Variants in KCNJ6 observed in about 807,000 individuals in gnomAD.
KCNJ6 encodes G protein-activated inward rectifier potassium channel 2.
A neutral mutation model predicts 34.2 loss-of-function variants in KCNJ6; 9 were observed. That is an observed-to-expected ratio of 0.26 (90% CI 0.16 to 0.46). The LOEUF (loss-of-function observed/expected upper bound fraction) is 0.46, where lower values mean the gene tolerates loss of function less well. Ranked by LOEUF, KCNJ6 falls within the 20% of genes least tolerant of loss-of-function variation. KCNJ6 has a pLI of 1.00. For synonymous variants in KCNJ6, 196 were observed against 207.1 expected, an observed-to-expected ratio of 0.95 and a Z score of 0.46; for missense variants, 236 against 531.3, an observed-to-expected ratio of 0.44 and a Z score of 5.46.
chr21:37,648,003 G>A (rs995906495), intron 3 of KCNJ6, among the ~76,000 whole-genome samples: 8 of 152,224 alleles, frequency 5.3e-5, no homozygotes, highest in African/African-American at 1.9e-4. Context: ...TGTGTCAGAA[G>A]TCATGCCTGT....
intron 2 of KCNJ6, among the ~76,000 whole-genome samples, chr21:37,739,285 G>A (rs2054927982): frequency 6.6e-6 from 1 of 151,940 alleles, no homozygotes; most frequent in Middle Eastern, 3.4e-3. Flanking sequence ...GATTATGCAG[G>A]TGGCTGGCAT....
At chr21:37,780,313 T>C (rs1367234901) in intron 2 of KCNJ6, among the ~76,000 whole-genome samples, 3 of 151,944 alleles carry the variant, frequency 2.0e-5, no homozygotes, top group Non-Finnish European at 4.4e-5. Flanking sequence ...TCTAGGGAGA[T>C]AGAGGAAGTG....
At chr21:37,909,589 T>C (rs1179874149) in intron 1 of KCNJ6, among the ~76,000 whole-genome samples, 3 of 152,068 alleles carry the variant, frequency 2.0e-5, no homozygotes, top group Non-Finnish European at 4.4e-5. Flanking sequence ...TGGTCTCAAG[T>C]CATCTCCTGG....
intron 1 of KCNJ6, among the ~76,000 whole-genome samples, chr21:37,875,095 G>T (rs1425294769): frequency 2.0e-5 from 3 of 152,162 alleles, no homozygotes; most frequent in African/African-American, 4.8e-5. Flanking sequence ...GTCTCATGGG[G>T]ACACATGCTC....
At chr21:37,861,762 T>C (rs2055596062) in intron 1 of KCNJ6, among the ~76,000 whole-genome samples, 1 of 152,198 alleles carries the variant, frequency 6.6e-6, no homozygotes, top group Admixed American at 6.5e-5. Flanking sequence ...AGGAATGTCC[T>C]TGAGAAGCAC....
chr21:37,908,156 T>A (rs1483450468), intron 1 of KCNJ6, among the ~76,000 whole-genome samples: 2 of 152,242 alleles, frequency 1.3e-5, no homozygotes, highest in Non-Finnish European at 2.9e-5. Context: ...GGAAACGATG[T>A]AAGAGAACCG....
chr21:37,670,278 A>T (rs2054535501), intron 3 of KCNJ6, among the ~76,000 whole-genome samples: 1 of 152,162 alleles, frequency 6.6e-6, no homozygotes, highest in South Asian at 2.1e-4. Flanking sequence ...GTTTTATAGT[A>T]AGTTTTGAAA....
chr21:37,677,100 G>T (rs927013499), intron 3 of KCNJ6, among the ~76,000 whole-genome samples: 2 of 152,230 alleles, frequency 1.3e-5, no homozygotes, highest in Non-Finnish European at 2.9e-5. Flanking sequence ...CCTCTCCCCA[G>T]GTGCCACGAT....
intron 2 of KCNJ6, among the ~76,000 whole-genome samples, chr21:37,720,702 CTTTTTTTTTT>C (rs3061017): frequency 3.1e-5 from 4 of 129,530 alleles, no homozygotes; most frequent in Admixed American, 1.6e-4. Flanking sequence ...ATTTTCTTTT[CTTTTTTTTTT>C]TTTTTTGAGA....
At chr21:37,732,868 T>C (rs2054892855) in intron 2 of KCNJ6, among the ~76,000 whole-genome samples, 1 of 152,272 alleles carries the variant, frequency 6.6e-6, no homozygotes, top group South Asian at 2.1e-4. Context: ...GACCACATAG[T>C]TGAGGGTTAA....
At chr21:37,804,453 C>T (rs1029726393) in intron 2 of KCNJ6, among the ~76,000 whole-genome samples, 8 of 151,986 alleles carry the variant, frequency 5.3e-5, no homozygotes, top group African/African-American at 1.5e-4. Flanking sequence ...TTCAGGGGTA[C>T]GTGTGCAGGT....
chr21:37,687,096 T>A (rs2054619006), intron 3 of KCNJ6, among the ~76,000 whole-genome samples: 1 of 152,062 alleles, frequency 6.6e-6, no homozygotes, highest in Non-Finnish European at 1.5e-5. Flanking sequence ...CAGCACTTGA[T>A]CCAAAGGCCC....
At chr21:37,731,096 G>T (rs556291269) in intron 2 of KCNJ6, among the ~76,000 whole-genome samples, 120 of 60,954 alleles carry the variant, frequency 2.0e-3, no homozygotes, top group African/African-American at 8.9e-3. Context: ...AGATAGATGA[G>T]AGAAGTGTGT....
chr21:37,625,024 T>C lies in KCNJ6; in HGVS notation c.*135A>G, dbSNP rs2123361084. 1 of 692,176 alleles carries C rather than the reference T, an allele frequency of 1.4e-6. No individual in the cohort carries two copies. Among genetic ancestry groups the C allele is most frequent in the Non-Finnish European group, 2.5e-6 (1 of 407,032 alleles). 42.9% of individuals were successfully genotyped at this position (692,176 alleles called of 1,614,324 possible). On this transcript the variant is annotated 3_prime_UTR_variant, in exon 4 of 4. Transcript: ENST00000609713. ...AGGTAGATATTTTACACCTTGAAGATTTGTTTTCTGGTCATGTAAAAATTA... is the reference window on the plus strand; with the variant it reads ...AGGTAGATATTTTACACCTTGAAGACTTGTTTTCTGGTCATGTAAAAATTA...
At chr21:37,830,495 G>A (rs2055420582) in intron 2 of KCNJ6, among the ~76,000 whole-genome samples, 2 of 152,144 alleles carry the variant, frequency 1.3e-5, no homozygotes, top group Admixed American at 1.3e-4. Flanking sequence ...ATACCTAGAG[G>A]GAGGGTGCTA....
chr21:37,652,924 A>G (rs937288366), intron 3 of KCNJ6, among the ~76,000 whole-genome samples: 4 of 152,134 alleles, frequency 2.6e-5, no homozygotes, highest in Non-Finnish European at 5.9e-5. Flanking sequence ...CTGAGAGGGA[A>G]TGAGTGGAGA....
intron 2 of KCNJ6, among the ~76,000 whole-genome samples, chr21:37,722,057 C>T (rs1480538456): frequency 6.6e-6 from 1 of 152,330 alleles, no homozygotes; most frequent in East Asian, 1.9e-4. Flanking sequence ...ACTAAAGACT[C>T]TGCCAAAAGG....
chr21:37,749,739 T>C (rs1033487343), intron 2 of KCNJ6, among the ~76,000 whole-genome samples: 5 of 152,158 alleles, frequency 3.3e-5, no homozygotes, highest in African/African-American at 9.7e-5. Context: ...CTAAAAGATA[T>C]TGGAGGTTGA....
rs141848375 is a variant in KCNJ6 at position 37,792,861 on chromosome 21, C to T, written c.25+47797G>A. 5.7e-3 allele frequency among the ~76,000 whole-genome samples: 873 copies of T among 152,250 alleles called. 6 individuals carry two copies. Among genetic ancestry groups the T allele is most frequent in the African/African-American group, 0.017 (696 of 41,544 alleles). ...GAGAGTTAGTTGCTGTTGCTTGCTA[C>T]GTGTACATTCTGTTGGTTCCTGGAA... On this transcript the variant is annotated intron_variant, in intron 2 of 3. Coordinates refer to ENST00000609713, the MANE Select transcript of KCNJ6 (RefSeq NM_002240.5).
Sources: gnomAD v4.1 joint callset for allele counts (sites outside exome capture counted in the v4.1 genomes callset) on GRCh38, gnomAD v4.1.1 for gene constraint, MANE v1.5 for transcripts, NCBI Gene and HGNC (gene_info 2026-07-23, HGNC 2026-07-21) for gene names.